CLIC2: variants seen among roughly 807,000 people sequenced by gnomAD.
CLIC2 encodes CLIC family member 2.
CLIC2 carries 9 observed loss-of-function variants against 14.8 expected under a neutral mutation model. The ratio of observed to expected loss-of-function variants is 0.61; its 90% CI spans 0.37 to 1.06. The LOEUF (loss-of-function observed/expected upper bound fraction) is 1.06. CLIC2 is among the 50% of genes least tolerant of loss of function. The probability of loss-of-function intolerance (pLI) is 0.01; values close to 1 mark genes in which losing one functional copy is unlikely to be tolerated. For missense variants in CLIC2, 148 were observed against 181.4 expected (o/e 0.82, Z 1.06); for synonymous variants, 61 against 66.3 (o/e 0.92, Z 0.39).
intron 1 of CLIC2, among the ~76,000 whole-genome samples, chrX:155,315,192 G>C (rs1406261403): frequency 8.9e-6 from 1 of 112,114 alleles, no homozygotes; most frequent in Non-Finnish European, 1.9e-5. Context: ...ATATTTGAGG[G>C]AATAATCAAG....
chrX:155,311,249 A>G (rs923869800), intron 1 of CLIC2, among the ~76,000 whole-genome samples: 8 of 111,965 alleles, frequency 7.1e-5, no homozygotes, highest in Non-Finnish European at 1.5e-4. Context: ...CCTTTTTAAA[A>G]GTGAATGCTT....
At chrX:155,314,073 C>T (rs2075085368) in intron 1 of CLIC2, among the ~76,000 whole-genome samples, 1 of 111,256 alleles carries the variant, frequency 9.0e-6, no homozygotes. Flanking sequence ...ATGCCTAACC[C>T]TGCCCCCACT....
chrX:155,290,756 A>T, intron 3 of CLIC2: 1 of 651,931 alleles, frequency 1.5e-6, no homozygotes, highest in Non-Finnish European at 2.6e-6. Flanking sequence ...TTATAATTTC[A>T]TTTTTTATGT....
chrX:155,323,167 C>T (rs1291103293), intron 1 of CLIC2, among the ~76,000 whole-genome samples: 1 of 111,879 alleles, frequency 8.9e-6, no homozygotes, highest in African/African-American at 3.2e-5. Flanking sequence ...GGACTCCTCC[C>T]TAACTCATTT....
chrX:155,306,902 A>G (rs1404018707), intron 1 of CLIC2, among the ~76,000 whole-genome samples: 1 of 111,603 alleles, frequency 9.0e-6, no homozygotes, highest in Non-Finnish European at 1.9e-5. Context: ...AAAATTTAAC[A>G]TGAGATTTGG....
At chrX:155,280,139 T>C in intron 3 of CLIC2, 71 bp from the exon 4 acceptor site, 1 of 696,719 alleles carries the variant, frequency 1.4e-6, no homozygotes, top group Non-Finnish European at 2.3e-6. Flanking sequence ...TAGCTTGCAC[T>C]ATACTGAAAA....
chrX:155,326,364 C>A (rs1557322328), intron 1 of CLIC2, among the ~76,000 whole-genome samples: 1 of 111,427 alleles, frequency 9.0e-6, no homozygotes, highest in Non-Finnish European at 1.9e-5. Flanking sequence ...ATTTTATTAG[C>A]CTTTTGGGAA....
rs782676247 is a variant in CLIC2 at position 155,304,631 on chromosome X, C to T, written c.58-5486G>A. On this transcript the variant is annotated intron_variant, in intron 1 of 5. Coordinates refer to ENST00000369449, the MANE Select transcript of CLIC2 (RefSeq NM_001289.6). ...TTGTTCTGTTGCTGGTGAGGAACTG[C>T]GTTCCTTTGGAGGAGGAGAGGCGCT... 6.8e-3 allele frequency among the ~76,000 whole-genome samples: 703 copies of T among 103,233 alleles called. 8 individuals are homozygous for T. Among genetic ancestry groups the T allele is most frequent in the South Asian group, 0.037 (77 of 2,073 alleles). 89.6% of individuals were successfully genotyped at this position (103,233 alleles called of 115,157 possible).
chrX:155,316,816 G>A (rs916972327), intron 1 of CLIC2, among the ~76,000 whole-genome samples: 6 of 110,992 alleles, frequency 5.4e-5, no homozygotes, highest in East Asian at 5.7e-4. Context: ...TATCCAGCAC[G>A]AGAGAAAGAT....
chrX:155,313,462 C>T (rs1207541842), intron 1 of CLIC2, among the ~76,000 whole-genome samples: 3 of 112,136 alleles, frequency 2.7e-5, no homozygotes, highest in Non-Finnish European at 5.6e-5. Flanking sequence ...ATGGAATCAA[C>T]CTAAATGCCC....
intron 1 of CLIC2, among the ~76,000 whole-genome samples, chrX:155,310,706 C>T (rs943210041): frequency 8.9e-6 from 1 of 112,502 alleles, no homozygotes; most frequent in Non-Finnish European, 1.9e-5. Context: ...CCACATTTCC[C>T]TTCCATACTG....
intron 3 of CLIC2, chrX:155,290,969 T>C (rs2074962456): frequency 2.1e-5 from 15 of 714,083 alleles, no homozygotes; most frequent in Admixed American, 6.7e-5. Context: ...AGAGCAAACA[T>C]TTTTTATATC....
At chrX:155,298,409 C>T (rs2075002127) in intron 3 of CLIC2, among the ~76,000 whole-genome samples, 1 of 111,142 alleles carries the variant, frequency 9.0e-6, no homozygotes, top group South Asian at 3.8e-4. Flanking sequence ...GGCCACTAGC[C>T]CTCGTGTTGG....
intron 1 of CLIC2, among the ~76,000 whole-genome samples, chrX:155,332,143 C>T (rs1211768380): frequency 9.0e-6 from 1 of 111,578 alleles, no homozygotes. Context: ...GGATAGAAAC[C>T]TTGCTCAAAT....
At chrX:155,327,151 C>T (rs1171225414) in intron 1 of CLIC2, among the ~76,000 whole-genome samples, 1 of 111,406 alleles carries the variant, frequency 9.0e-6, no homozygotes, top group Non-Finnish European at 1.9e-5. Context: ...CTCAACATAA[C>T]AACGCCTTAA....
chrX:155,321,782 C>G (rs1557321686), intron 1 of CLIC2, among the ~76,000 whole-genome samples: 1 of 110,877 alleles, frequency 9.0e-6, no homozygotes, highest in East Asian at 2.8e-4. Context: ...GATAAAGAGT[C>G]AAGACCCATC....
At chrX:155,326,890 T>A (rs2075140253) in intron 1 of CLIC2, among the ~76,000 whole-genome samples, 1 of 111,445 alleles carries the variant, frequency 9.0e-6, no homozygotes, top group Non-Finnish European at 1.9e-5. Flanking sequence ...CATGATAAAA[T>A]TATCAAAGCA....
chrX:155,285,815 A>G (rs781952194), intron 3 of CLIC2, among the ~76,000 whole-genome samples: 1 of 108,585 alleles, frequency 9.2e-6, no homozygotes, highest in Admixed American at 9.8e-5. Flanking sequence ...AATAAAAACC[A>G]TATTTCTTTC....
chrX:155,291,145 C>T lies in CLIC2; in HGVS notation c.293+7640G>A, dbSNP rs1328933398. ...ATGAATATCCATTCATATCCCTGGG[C>T]ATTCTGAGAATCTAACCTGAATAAT... On this transcript the variant is annotated intron_variant, in intron 3 of 5. Coordinates refer to ENST00000369449, the MANE Select transcript of CLIC2 (RefSeq NM_001289.6). The T allele has an allele frequency of 4.9e-6, 5 of 1,012,424 alleles. No homozygotes were observed. In the East Asian group the frequency reaches 9.1e-5, roughly 19 times the overall value. 83.4% of individuals were successfully genotyped at this position (1,012,424 alleles called of 1,213,427 possible).
Sources: gnomAD v4.1 joint callset for allele counts (sites outside exome capture counted in the v4.1 genomes callset) on GRCh38, gnomAD v4.1.1 for gene constraint, MANE v1.5 for transcripts, NCBI Gene and HGNC (gene_info 2026-07-23, HGNC 2026-07-21) for gene names.